UPRT: variants seen among roughly 807,000 people sequenced by gnomAD.
The protein encoded by UPRT is uracil phosphoribosyltransferase homolog, also known as RP11-311P8.3.
UPRT carries 5 observed loss-of-function variants against 22.6 expected under a neutral mutation model. The observed-to-expected ratio is 0.22, with a 90% CI of 0.12 to 0.47. The LOEUF is 0.47. UPRT is among the 20% of genes least tolerant of loss of function. UPRT has a pLI of 0.99. For synonymous variants in UPRT, 77 were observed against 87.7 expected (o/e 0.88, Z 0.68); for missense variants, 181 against 239.9 (o/e 0.75, Z 1.62).
chrX:75,265,574 CA>C (rs1436831994), intron 4 of UPRT, among the ~76,000 whole-genome samples: 1 of 111,306 alleles, frequency 9.0e-6, no homozygotes, highest in African/African-American at 3.3e-5. Context: ...TCTAGTTATC[CA>C]TTTGTCTAAT....
At chrX:75,232,994 C>T (rs769405936) in intron 4 of UPRT, among the ~76,000 whole-genome samples, 4 of 111,296 alleles carry the variant, frequency 3.6e-5, no homozygotes, top group East Asian at 2.8e-4. Flanking sequence ...CTCCGAGCTA[C>T]GGGAGGACAT....
chrX:75,190,125 C>T (rs778066080), intron 4 of UPRT, among the ~76,000 whole-genome samples: 1 of 112,084 alleles, frequency 8.9e-6, no homozygotes, highest in African/African-American at 3.2e-5. Flanking sequence ...CCGGTTGTTC[C>T]TTTCCATGTT....
chrX:75,261,451 T>G lies in UPRT; in HGVS notation c.-446-29573T>G, dbSNP rs1158404199. On this transcript the variant is annotated intron_variant, in intron 4 of 13. Coordinates refer to the UPRT transcript ENST00000652605. The stretch of plus-strand genomic sequence containing the variant: ...GATAAATTCCTGGACACATACACCC[T>G]CCCAAGACTAAACCAGGAAGAAGTT... Among the ~76,000 whole-genome samples, 28 of 111,632 alleles carry G rather than the reference T, an allele frequency of 2.5e-4. 4 individuals carry two copies. The highest frequency in any genetic ancestry group is 2.5e-3 in the Admixed American group (26 of 10,522).
chrX:75,209,995 G>C (rs1176057353), intron 4 of UPRT, among the ~76,000 whole-genome samples: 2 of 112,007 alleles, frequency 1.8e-5, no homozygotes, highest in Admixed American at 1.9e-4. Flanking sequence ...CGGATGTGTG[G>C]GGCTGACTGG....
At chrX:75,268,837 G>C (rs1290942600) in intron 4 of UPRT, among the ~76,000 whole-genome samples, 1 of 111,915 alleles carries the variant, frequency 8.9e-6, no homozygotes. Flanking sequence ...CATTCCCTTT[G>C]AAAACCAGCA....
At chrX:75,297,389 G>A in intron 3 of UPRT, 102 bp from the exon 4 acceptor site, 1 of 738,235 alleles carries the variant, frequency 1.4e-6, no homozygotes, top group Admixed American at 2.4e-5. Flanking sequence ...GTCTGAACAA[G>A]GGTTGCTTTG....
At chrX:75,180,681 G>GTTTTTTTTTTTTTCT (rs59522302) in intron 4 of UPRT, among the ~76,000 whole-genome samples, 1 of 43,895 alleles carries the variant, frequency 2.3e-5, no homozygotes, top group Non-Finnish European at 3.8e-5. Flanking sequence ...CCTTTTCTCT[G>GTTTTTTTTTTTTTCT]TTTTTTTTTT....
chrX:75,217,466 CCT>C (rs1169026803), intron 4 of UPRT, among the ~76,000 whole-genome samples: 1 of 111,342 alleles, frequency 9.0e-6, no homozygotes, highest in Non-Finnish European at 1.9e-5. Flanking sequence ...TTGTTTGTAT[CCT>C]CTTTTATTTC....
intron 6 of UPRT, among the ~76,000 whole-genome samples, chrX:75,301,366 G>A (rs2082743637): frequency 8.9e-6 from 1 of 111,934 alleles, no homozygotes; most frequent in African/African-American, 3.2e-5. Flanking sequence ...AAGAGCAGAA[G>A]TTTTTAAAGT....
intron 4 of UPRT, among the ~76,000 whole-genome samples, chrX:75,205,370 C>A (rs1245841365): frequency 1.4e-5 from 1 of 73,226 alleles, no homozygotes; most frequent in Admixed American, 2.4e-4. Context: ...GGCGACAGAG[C>A]GAGACTCCGT....
intron 4 of UPRT, among the ~76,000 whole-genome samples, chrX:75,180,264 A>G (rs1293689220): frequency 1.8e-5 from 2 of 112,228 alleles, no homozygotes; most frequent in African/African-American, 6.5e-5. Flanking sequence ...GAGACAAGTC[A>G]GAAATGGCTT....
chrX:75,265,871 T>A (rs2082586767), intron 4 of UPRT, among the ~76,000 whole-genome samples: 2 of 111,525 alleles, frequency 1.8e-5, no homozygotes, highest in Admixed American at 1.9e-4. Context: ...GGATGTCCTT[T>A]CTTTTTGTTA....
In UPRT at chrX:75,297,566, G is replaced by A. The variant is rs1304606897; in HGVS notation, c.562+13G>A. On this transcript the variant is annotated intron_variant, in intron 4 of 6. Transcript: ENST00000373383. ...ATAATGAGAAGCGGTAGGTTCACGT[G>A]TGTGTGATTTTTGTCTCTTTGTATG... The A allele has an allele frequency of 3.3e-6, 4 of 1,208,768 alleles. No individual in the cohort carries two copies. Among genetic ancestry groups the A allele is most frequent in the Non-Finnish European group, 4.5e-6 (4 of 894,041 alleles).
chrX:75,205,197 C>T (rs1361819240), intron 4 of UPRT, among the ~76,000 whole-genome samples: 3 of 107,171 alleles, frequency 2.8e-5, no homozygotes, highest in Non-Finnish European at 3.9e-5. Context: ...GGTGAAACCC[C>T]GTCTCTACTA....
intron 4 of UPRT, among the ~76,000 whole-genome samples, chrX:75,203,348 G>A (rs763032500): frequency 3.6e-5 from 4 of 110,647 alleles, no homozygotes; most frequent in Middle Eastern, 4.2e-3. Context: ...AATAATAGTC[G>A]GAGACTTTAA....
At chrX:75,268,056 T>TA in intron 4 of UPRT, among the ~76,000 whole-genome samples, 1 of 110,281 alleles carries the variant, frequency 9.1e-6, no homozygotes. Context: ...ATAGACACAA[T>TA]AAAAAATGAT....
chrX:75,191,617 C>T (rs1022322289), intron 4 of UPRT, among the ~76,000 whole-genome samples: 8 of 112,177 alleles, frequency 7.1e-5, no homozygotes, highest in African/African-American at 1.3e-4. Context: ...CCACCCAGTT[C>T]GAGCTTCCTG....
At chrX:75,277,598 G>A (rs1002312690) in intron 1 of UPRT, among the ~76,000 whole-genome samples, 40 of 111,322 alleles carry the variant, frequency 3.6e-4, no homozygotes, top group African/African-American at 1.3e-3. Flanking sequence ...ACTGTGAAGA[G>A]CTGTTCACAT....
intron 4 of UPRT, among the ~76,000 whole-genome samples, chrX:75,230,339 C>G (rs754527728): frequency 9.0e-6 from 1 of 111,326 alleles, no homozygotes; most frequent in Admixed American, 9.5e-5. Context: ...CCCTGGTAGC[C>G]TAAGACAAAA....
Sources: allele counts gnomAD v4.1 joint callset (sites outside exome capture counted in the v4.1 genomes callset), GRCh38; gene constraint gnomAD v4.1.1; transcripts MANE v1.5; gene names NCBI Gene and HGNC (gene_info 2026-07-23, HGNC 2026-07-21).